NALF1: variants seen among roughly 807,000 people sequenced by gnomAD.
NALF1 encodes the protein NALCN channel auxiliary factor 1, also known as family with sequence similarity 155 member A.
In NALF1, 3 loss-of-function variants were observed where a neutral mutation model predicts 48.4. That is an observed-to-expected ratio of 0.06 (90% confidence interval 0.03 to 0.16). NALF1 has a LOEUF of 0.16. NALF1 is among the 10% of genes least tolerant of loss of function. The pLI, the probability that NALF1 is intolerant of heterozygous loss-of-function variation, is 1.00. For synonymous variants in NALF1, 262 were observed against 245.7 expected (o/e 1.07, Z -0.62); for missense variants, 526 against 571.5 (o/e 0.92, Z 0.81).
intron 1 of NALF1, among the ~76,000 whole-genome samples, chr13:107,259,395 G>A (rs537029225): frequency 1.3e-5 from 2 of 152,238 alleles, no homozygotes; most frequent in Admixed American, 6.5e-5. Flanking sequence ...AGGAAAAACC[G>A]CAAATGCTGT....
At chr13:107,229,002 G>A (rs570954273) in intron 1 of NALF1, among the ~76,000 whole-genome samples, 1 of 151,842 alleles carries the variant, frequency 6.6e-6, no homozygotes, top group Non-Finnish European at 1.5e-5. Flanking sequence ...GGTTCTCTTC[G>A]TAAAACCGAT....
chr13:107,227,867 C>A (rs1281710955), intron 1 of NALF1, among the ~76,000 whole-genome samples: 1 of 152,136 alleles, frequency 6.6e-6, no homozygotes, highest in Non-Finnish European at 1.5e-5. Context: ...ATATACATAT[C>A]AGAAAAAGTA....
At chr13:107,470,025 G>A (rs952435224) in intron 1 of NALF1, among the ~76,000 whole-genome samples, 2 of 151,758 alleles carry the variant, frequency 1.3e-5, no homozygotes, top group African/African-American at 4.8e-5. Flanking sequence ...TTACAGGCAT[G>A]AGCCACCACG....
intron 1 of NALF1, among the ~76,000 whole-genome samples, chr13:107,290,198 A>AAAAG (rs1555330705): frequency 6.7e-6 from 1 of 149,010 alleles, no homozygotes; most frequent in African/African-American, 2.5e-5. Context: ...AAAAAAAAAA[A>AAAAG]CCAGAAATAC....
chr13:107,427,252 A>G (rs988292042), intron 1 of NALF1, among the ~76,000 whole-genome samples: 1 of 151,628 alleles, frequency 6.6e-6, no homozygotes, highest in African/African-American at 2.4e-5. Context: ...TAATTACACT[A>G]TTTTTCCATT....
chr13:107,220,028 C>T (rs2138814242), intron 1 of NALF1, among the ~76,000 whole-genome samples: 1 of 152,048 alleles, frequency 6.6e-6, no homozygotes, highest in South Asian at 2.1e-4. Context: ...ACCAAGAGTG[C>T]ATGATTGCCA....
At chr13:107,812,798 T>G (rs889266095) in intron 1 of NALF1, among the ~76,000 whole-genome samples, 1 of 152,152 alleles carries the variant, frequency 6.6e-6, no homozygotes, top group African/African-American at 2.4e-5. Flanking sequence ...TTTTTTTGTT[T>G]GTTGGTTGGT....
chr13:107,555,929 C>G (rs562346028), intron 1 of NALF1, among the ~76,000 whole-genome samples: 1 of 151,688 alleles, frequency 6.6e-6, no homozygotes, highest in Admixed American at 6.6e-5. Context: ...AAACTAAGAG[C>G]CTTAATCTTA....
intron 1 of NALF1, among the ~76,000 whole-genome samples, chr13:107,278,951 T>C (rs9587337): frequency 0.39 from 58,863 of 151,910 alleles, 12,356 homozygotes; most frequent in South Asian, 0.59. Context: ...GAAGTAATGA[T>C]GATTGGCTTC....
At chr13:107,275,949 C>A (rs1430597882) in intron 1 of NALF1, among the ~76,000 whole-genome samples, 1 of 152,082 alleles carries the variant, frequency 6.6e-6, no homozygotes, top group Non-Finnish European at 1.5e-5. Context: ...GAGGTGAGGT[C>A]CTCAGGTCCC....
At chr13:107,538,904 G>T (rs1023929847) in intron 1 of NALF1, among the ~76,000 whole-genome samples, 5 of 151,980 alleles carry the variant, frequency 3.3e-5, no homozygotes, top group Admixed American at 1.3e-4. Context: ...AAATAATTTA[G>T]AAATTACTTA....
chr13:107,403,975 A>T (rs1243928709), intron 1 of NALF1, among the ~76,000 whole-genome samples: 1 of 152,166 alleles, frequency 6.6e-6, no homozygotes, highest in Non-Finnish European at 1.5e-5. Flanking sequence ...GTATTAACAG[A>T]TGTTTTTAAC....
chr13:107,345,118 T>C (rs1463197562), intron 1 of NALF1, among the ~76,000 whole-genome samples: 1 of 151,736 alleles, frequency 6.6e-6, no homozygotes, highest in Non-Finnish European at 1.5e-5. Flanking sequence ...CACACAAGAC[T>C]TGTACACTGA....
At chr13:107,640,668 C>T (rs1249398880) in intron 1 of NALF1, among the ~76,000 whole-genome samples, 1 of 152,112 alleles carries the variant, frequency 6.6e-6, no homozygotes, top group African/African-American at 2.4e-5. Context: ...TATAAGATTA[C>T]TTTTATCTCA....
intron 1 of NALF1, among the ~76,000 whole-genome samples, chr13:107,748,446 C>G (rs1431434682): frequency 6.6e-6 from 1 of 152,168 alleles, no homozygotes; most frequent in Non-Finnish European, 1.5e-5. Flanking sequence ...CTGGCATTGA[C>G]TAGTTTTGCT....
At position 107,285,908 on chromosome 13, in the gene NALF1, A is replaced by G. The variant is rs537408147; in HGVS notation, c.916-75153T>C. 5.9e-5 allele frequency among the ~76,000 whole-genome samples: 9 copies of G among 152,308 alleles called. No homozygotes were observed. In the East Asian group the frequency reaches 1.5e-3, roughly 26 times the overall value. Reference sequence around the variant, plus strand: ...TAAGTGCACAGAGTGTAAGGGATGGATGGAATACATTCAAATGGACCAATA... The same window carrying G: ...TAAGTGCACAGAGTGTAAGGGATGGGTGGAATACATTCAAATGGACCAATA... On this transcript the variant is annotated intron_variant, in intron 1 of 2. Coordinates refer to ENST00000375915, the MANE Select transcript of NALF1 (RefSeq NM_001080396.3).
intron 1 of NALF1, among the ~76,000 whole-genome samples, chr13:107,298,582 C>T (rs913276761): frequency 6.6e-6 from 1 of 151,662 alleles, no homozygotes; most frequent in Admixed American, 6.6e-5. Context: ...CAGGCATGCA[C>T]CACCACACCT....
At chr13:107,739,241 G>A (rs902131361) in intron 1 of NALF1, among the ~76,000 whole-genome samples, 6 of 151,780 alleles carry the variant, frequency 4.0e-5, no homozygotes, top group Admixed American at 1.3e-4. Context: ...ATGGTTGATA[G>A]GTGCAGCAAA....
intron 1 of NALF1, among the ~76,000 whole-genome samples, chr13:107,599,299 G>A (rs1213169517): frequency 6.6e-6 from 1 of 152,018 alleles, no homozygotes; most frequent in Admixed American, 6.6e-5. Context: ...GCGGGCATCT[G>A]TAGTCCCAGC....
Sources: gnomAD v4.1 joint callset for allele counts (sites outside exome capture counted in the v4.1 genomes callset) on GRCh38, gnomAD v4.1.1 for gene constraint, MANE v1.5 for transcripts, NCBI Gene and HGNC (gene_info 2026-07-23, HGNC 2026-07-21) for gene names.